The following POLE variants were observed in gnomAD, a reference collection of about 807,000 sequenced individuals.
POLE encodes the protein DNA polymerase epsilon, catalytic subunit.
In POLE, 188 loss-of-function variants were observed where a neutral mutation model predicts 279.2. The observed-to-expected ratio is 0.67, with a 90% CI of 0.60 to 0.76. The LOEUF (loss-of-function observed/expected upper bound fraction) is 0.76. Among genes scored for constraint, POLE ranks in the 30% least tolerant of loss-of-function variants. POLE has a pLI of 0.00. For synonymous variants in POLE, 1,214 were observed against 1,172.5 expected (o/e 1.04, Z -0.72); for missense variants, 2,703 against 3,016.7 (o/e 0.90, Z 2.44).
Position 132,665,293 on chromosome 12 carries a change from C to G in POLE, c.2468+9G>C, listed in dbSNP as rs2042767735. 6.2e-7 allele frequency: 1 copy of G among 1,610,820 alleles called. No individual in the cohort carries two copies. The highest frequency in any genetic ancestry group is 8.5e-7 in the Non-Finnish European group (1 of 1,177,646). On this transcript the variant is annotated intron_variant, in intron 21 of 48. Transcript: ENST00000320574. ...CCCATAAGCCTCTCCCGGGCCCGGG[C>G]CCACCTACCCCTTGCGCATGACATA... is the stretch of plus-strand genomic sequence containing the variant.
rs1164180510 is a variant in POLE at position 132,672,205 on chromosome 12, T to C, written c.1794+10A>G. ...CACAGACTGGCTCTTCCTGCCTCCC[T>C]GATGGTTACCTCTTCAAAGTTGGTG... On this transcript the variant is annotated intron_variant, in intron 16 of 48. Coordinates refer to ENST00000320574, the MANE Select transcript of POLE (RefSeq NM_006231.4). The C allele has an allele frequency of 6.2e-7, 1 of 1,600,026 alleles. No individual in the cohort carries two copies. Among genetic ancestry groups the C allele is most frequent in the East Asian group, 2.2e-5 (1 of 44,846 alleles).
chr12:132,652,641 G>A (rs887350606), intron 29 of POLE, among the ~76,000 whole-genome samples: 8 of 152,192 alleles, frequency 5.3e-5, no homozygotes, highest in African/African-American at 1.9e-4. Context: ...CACACTCAGT[G>A]TGATACAACA....
rs2138486688 is a variant in POLE at position 132,635,989 on chromosome 12, A to G, written c.5714T>C (p.Ile1905Thr). The change falls in exon 42 of 49, where the codon ATT (isoleucine) becomes ACT (threonine). Residue 1905 changes from isoleucine (I) to threonine (T), a missense_variant. Coordinates refer to ENST00000320574, the MANE Select transcript of POLE (RefSeq NM_006231.4). ...AAATTCCCAGCATCGAGAGAAAGAA[A>G]TTGTCAGAGAATGGAAGGTCTCCTT... ...HSKETFHSLT[I>T]SFSRCWEFLL... is the part of the protein sequence containing the mutation. 1.2e-6 allele frequency: 2 copies of G among 1,614,038 alleles called. No homozygotes were observed. Among genetic ancestry groups the G allele is most frequent in the South Asian group, 1.1e-5 (1 of 91,060 alleles).
chr12:132,655,756 G>A (rs1226822450), intron 29 of POLE, among the ~76,000 whole-genome samples: 5 of 152,132 alleles, frequency 3.3e-5, no homozygotes, highest in African/African-American at 9.7e-5. Context: ...TATTTTGTCT[G>A]GTATTAATAC....
chr12:132,674,814 C>T (rs2043006722), intron 12 of POLE, among the ~76,000 whole-genome samples: 1 of 151,530 alleles, frequency 6.6e-6, no homozygotes, highest in African/African-American at 2.4e-5. Flanking sequence ...CCCCTCCATT[C>T]CCTTCCTTCC....
rs2042849572 is a variant in POLE, at chr12:132,668,562, C to T, written c.2027-60G>A. ...AGGCACAGACACACCGGCTTCCCAC[C>T]AAGTGGAGAAAGGCGGCCGACACTC... On this transcript the variant is annotated intron_variant, in intron 18 of 48. Transcript: ENST00000320574. This position sits in a 1 kb window ranked among gnomAD's most constrained non-coding sequence, Gnocchi z 4.0. 5 of 1,583,176 alleles carry T rather than the reference C, an allele frequency of 3.2e-6. No homozygotes were observed. Among genetic ancestry groups the T allele is most frequent in the Non-Finnish European group, 2.6e-6 (3 of 1,159,268 alleles).
chr12:132,659,735 C>T (rs1426181581), intron 25 of POLE: 1 of 520,140 alleles, frequency 1.9e-6, no homozygotes, highest in Admixed American at 3.3e-5. Flanking sequence ...TTCTGTCACC[C>T]AGGCTGGAGT....
intron 25 of POLE, chr12:132,660,158 G>C (rs1439982083): frequency 6.4e-6 from 1 of 155,952 alleles, no homozygotes; most frequent in Non-Finnish European, 1.4e-5. Context: ...AGAAACTCCG[G>C]CCGGCTGGAG....
chr12:132,676,674 T>C (rs377706072), intron 8 of POLE, 21 bp from the exon 9 acceptor site: 2 of 1,522,200 alleles, frequency 1.3e-6, no homozygotes, highest in East Asian at 2.2e-5. Context: ...AAAATAAGCA[T>C]AAAGCCAAGC....
chr12:132,668,767 G>C lies in POLE; in HGVS notation c.1924-30C>G. On this transcript the variant is annotated intron_variant, in intron 17 of 48. Transcript: ENST00000320574. The surrounding 1 kb of genome is among the most constrained non-coding windows in gnomAD (Gnocchi z 4.0). ...GAGGGGTGAGAAAGCACTTAGGGCT[G>C]GGCAGAGAGAGCTCCGACTCTGACA... 1.9e-6 allele frequency: 3 copies of C among 1,613,836 alleles called. No homozygotes were observed. The highest frequency in any genetic ancestry group is 2.5e-6 in the Non-Finnish European group (3 of 1,179,708).
At chr12:132,686,293 C>A (rs539502047) in intron 1 of POLE, among the ~76,000 whole-genome samples, 1 of 148,128 alleles carries the variant, frequency 6.8e-6, no homozygotes, top group South Asian at 2.1e-4. Flanking sequence ...GGTCTGGCTC[C>A]GTCGCCCAGG....
At chr12:132,652,721 G>C (rs758678483) in intron 29 of POLE, among the ~76,000 whole-genome samples, 19 of 152,046 alleles carry the variant, frequency 1.2e-4, no homozygotes, top group Admixed American at 6.6e-4. Flanking sequence ...TCTCCTTAAC[G>C]ATCTGTGACC....
At chr12:132,644,621 C>T (rs2042233629) in intron 32 of POLE, among the ~76,000 whole-genome samples, 1 of 152,134 alleles carries the variant, frequency 6.6e-6, no homozygotes, top group East Asian at 1.9e-4. Flanking sequence ...ATCACATTTT[C>T]CTAGTCAGAG....
Position 132,661,077 on chromosome 12 carries a change from G to A in POLE, c.2952C>T (p.Ile984=), listed in dbSNP as rs1000861691. Residue 984 remains isoleucine, a synonymous_variant, in exon 25 of 49, where the codon ATC becomes ATT. Transcript: ENST00000320574. This position sits in a 1 kb window ranked among gnomAD's most constrained non-coding sequence, Gnocchi z 4.1. ...AGGCCTCAAACACCGAGGATTGGAAGATCTTAATCAGCTGCAGTTCCCCGC... is the reference window on the plus strand; with the variant it reads ...AGGCCTCAAACACCGAGGATTGGAAAATCTTAATCAGCTGCAGTTCCCCGC... ...KRRGELQLIK[I]FQSSVFEAFL... 8.1e-6 allele frequency: 13 copies of A among 1,613,732 alleles called. No homozygotes were observed. The highest frequency in any genetic ancestry group is 1.1e-5 in the Non-Finnish European group (13 of 1,179,968).
In POLE at chr12:132,687,261, C is replaced by T. The variant is rs1391962080; in HGVS notation, c.55G>A (p.Ala19Thr). Reference protein sequence around the residue: ...RRADPGADGEASRDDGATSSV... With the variant: ...RRADPGADGETSRDDGATSSV... ...CAGGAGGGCGCCCCTCACCTGCTGG[C>T]CTCGCCATCCGCGCCTGGGTCCGCG... Residue 19 changes from alanine to threonine, a missense_variant, in exon 1 of 49, where the codon GCC becomes ACC. Physicochemically the swap from Ala to Thr is moderately conservative, Grantham distance 58. Coordinates refer to ENST00000320574, the MANE Select transcript of POLE (RefSeq NM_006231.4). 1 of 1,499,672 alleles carries T rather than the reference C, an allele frequency of 6.7e-7. No homozygotes were observed. Among genetic ancestry groups the T allele is most frequent in the South Asian group, 1.2e-5 (1 of 80,452 alleles). The allele number at this position is 1,499,672 out of a possible 1,614,324, so 92.9% of individuals were successfully genotyped here.
intron 47 of POLE, 157 bp downstream of exon 47, chr12:132,625,488 G>T (rs1485516853): frequency 2.1e-6 from 2 of 945,216 alleles, no homozygotes; most frequent in Non-Finnish European, 3.4e-6. Context: ...GGACAGAACA[G>T]TCCATCAGGC....
At position 132,673,645 on chromosome 12, in the gene POLE, G is replaced by C. The variant is rs2135999963; in HGVS notation, c.1289C>G (p.Ala430Gly). The C allele has an allele frequency of 6.2e-7, 1 of 1,613,996 alleles. No homozygotes were observed. ...GSHNLKAAAK[A>G]KLGYDPVELD... is the part of the protein sequence containing the mutation. The stretch of plus-strand genomic sequence containing the variant: ...CTCCACGGGATCATAGCCTAGCTTG[G>C]CCTTGGCGGCCGCCTTGAGATTATG... Residue 430 changes from alanine (A) to glycine (G), a missense_variant, in exon 13 of 49, where the codon GCC becomes GGC. Ala to Gly is a moderately conservative substitution (Grantham distance 60). Transcript: ENST00000320574.
intron 1 of POLE, among the ~76,000 whole-genome samples, chr12:132,682,840 C>A (rs2043197468): frequency 1.3e-5 from 2 of 151,902 alleles, no homozygotes; most frequent in Non-Finnish European, 2.9e-5. Flanking sequence ...GTAGTCCCAG[C>A]TACTCGGGAG....
rs781020097 is a variant in POLE, at chr12:132,679,671, C to A, written c.424-20G>T. ...ATTTGGCTATAATGCGAAGAGATCA[C>A]GCTCATTGGTTCAAGAGAAATAGGA... On this transcript the variant is annotated intron_variant, in intron 5 of 48. Transcript: ENST00000320574. 6.3e-7 allele frequency: 1 copy of A among 1,598,816 alleles called. No individual in the cohort carries two copies. Among genetic ancestry groups the A allele is most frequent in the East Asian group, 2.3e-5 (1 of 44,418 alleles).
Sources: gnomAD v4.1 joint callset for allele counts (sites outside exome capture counted in the v4.1 genomes callset) on GRCh38, gnomAD v4.1.1 for gene constraint, Gnocchi (gnomAD v3.1) non-coding constraint, MANE v1.5 for transcripts, NCBI Gene and HGNC (gene_info 2026-07-23, HGNC 2026-07-21) for gene names.